IMMP2L: variants seen among roughly 807,000 people sequenced by gnomAD.
The protein encoded by IMMP2L is inner mitochondrial membrane peptidase subunit 2, also known as mitochondrial inner membrane protease subunit 2.
IMMP2L carries 18 observed loss-of-function variants against 19.3 expected under a neutral mutation model. The observed-to-expected ratio is 0.93, with a 90% CI of 0.64 to 1.38. The LOEUF (loss-of-function observed/expected upper bound fraction) is 1.38, where lower values mean the gene tolerates loss of function less well. Among genes scored for constraint, IMMP2L ranks in the 40% most tolerant of loss-of-function variants. The probability of loss-of-function intolerance (pLI) is 0.00; values close to 1 mark genes in which losing one functional copy is unlikely to be tolerated. For missense variants in IMMP2L, 233 were observed against 218.2 expected (o/e 1.07, Z -0.43); for synonymous variants, 76 against 73.0 (o/e 1.04, Z -0.21).
intron 1 of IMMP2L, among the ~76,000 whole-genome samples, chr7:111,554,292 A>G (rs977445843): frequency 7.9e-5 from 12 of 152,194 alleles, no homozygotes; most frequent in Non-Finnish European, 2.9e-5. Flanking sequence ...TGATACGTCT[A>G]TATGTAAACT....
intron 3 of IMMP2L, among the ~76,000 whole-genome samples, chr7:111,022,777 G>A (rs1489539361): frequency 1.3e-5 from 2 of 152,128 alleles, no homozygotes; most frequent in African/African-American, 4.8e-5. Context: ...CCAATCTGCT[G>A]ATCCTTTCAC....
At chr7:111,461,904 C>T (rs1340787713) in intron 3 of IMMP2L, among the ~76,000 whole-genome samples, 1 of 151,734 alleles carries the variant, frequency 6.6e-6, no homozygotes, top group African/African-American at 2.4e-5. Flanking sequence ...AAATAATTTG[C>T]CACTATAATG....
At chr7:111,492,373 T>A in intron 2 of IMMP2L, 1 of 983,406 alleles carries the variant, frequency 1.0e-6, no homozygotes, top group Non-Finnish European at 1.2e-6. Flanking sequence ...ACTAGAAGAC[T>A]CATAAGTCAG....
Position 111,501,640 on chromosome 7 carries a change from C to T in IMMP2L, c.136-14299G>A, listed in dbSNP as rs992352025. The stretch of plus-strand genomic sequence containing the variant: ...AGCGGATCTCTCAGCAGAAACTCTA[C>T]AAGCCAGAAGAGAGTGGGGGCCAAT... On this transcript the variant is annotated intron_variant, in intron 2 of 5. Coordinates refer to ENST00000405709, the MANE Select transcript of IMMP2L (RefSeq NM_032549.4). 2.0e-3 allele frequency among the ~76,000 whole-genome samples: 302 copies of T among 152,294 alleles called. 1 individual carries two copies. Among genetic ancestry groups the T allele is most frequent in the Non-Finnish European group, 3.1e-3 (209 of 68,024 alleles).
chr7:111,476,787 T>C (rs1295516294), intron 3 of IMMP2L, among the ~76,000 whole-genome samples: 1 of 152,176 alleles, frequency 6.6e-6, no homozygotes, highest in East Asian at 1.9e-4. Context: ...TAACAATGTG[T>C]TGCATCCTTC....
At chr7:111,240,430 T>G (rs1814869428) in intron 3 of IMMP2L, among the ~76,000 whole-genome samples, 3 of 151,988 alleles carry the variant, frequency 2.0e-5, no homozygotes, top group Admixed American at 1.3e-4. Flanking sequence ...ACAGTCAATT[T>G]TTAAAGGAAG....
At chr7:111,520,463 A>G (rs11975383) in intron 2 of IMMP2L, among the ~76,000 whole-genome samples, 3,030 of 152,196 alleles carry the variant, frequency 0.02, 101 homozygotes, top group African/African-American at 0.069. Context: ...AATAAAGCAA[A>G]CTAATTCTAA....
intron 5 of IMMP2L, among the ~76,000 whole-genome samples, chr7:110,790,643 G>A (rs972391797): frequency 1.3e-5 from 2 of 151,622 alleles, no homozygotes; most frequent in East Asian, 1.9e-4. Context: ...TTTTTGGCCT[G>A]AGCAAATGGT....
At chr7:111,445,204 C>A (rs1585127069) in intron 3 of IMMP2L, among the ~76,000 whole-genome samples, 1 of 152,104 alleles carries the variant, frequency 6.6e-6, no homozygotes, top group East Asian at 1.9e-4. Context: ...TGCTCTTACA[C>A]ATCCCCAAGA....
intron 3 of IMMP2L, among the ~76,000 whole-genome samples, chr7:111,024,120 G>A (rs943053640): frequency 6.6e-6 from 1 of 152,176 alleles, no homozygotes; most frequent in East Asian, 1.9e-4. Flanking sequence ...AATAGAGAAT[G>A]CAGGTTGAAG....
intron 3 of IMMP2L, among the ~76,000 whole-genome samples, chr7:111,343,980 T>A (rs1415259399): frequency 1.3e-5 from 2 of 152,128 alleles, no homozygotes; most frequent in Non-Finnish European, 2.9e-5. Context: ...AAAGTCTCGG[T>A]ATGAACCTGC....
chr7:110,693,363 T>C (rs758629817), intron 5 of IMMP2L, among the ~76,000 whole-genome samples: 2 of 152,226 alleles, frequency 1.3e-5, no homozygotes, highest in African/African-American at 4.8e-5. Flanking sequence ...TGGTTTCAAA[T>C]GTCACAATGG....
intron 3 of IMMP2L, among the ~76,000 whole-genome samples, chr7:111,206,839 T>C (rs572600053): frequency 5.6e-4 from 85 of 152,078 alleles, no homozygotes; most frequent in Non-Finnish European, 1.1e-3. Flanking sequence ...AGAACAAAAC[T>C]AATAACAAAC....
intron 3 of IMMP2L, among the ~76,000 whole-genome samples, chr7:111,150,494 T>C (rs1803953224): frequency 6.6e-6 from 1 of 152,044 alleles, no homozygotes; most frequent in South Asian, 2.1e-4. Context: ...TCCAACTGAG[T>C]CCCTGGGACA....
chr7:111,416,451 G>A (rs752364048), intron 3 of IMMP2L, among the ~76,000 whole-genome samples: 1 of 151,806 alleles, frequency 6.6e-6, no homozygotes, highest in Non-Finnish European at 1.5e-5. Context: ...AATCTGGTTT[G>A]AACCACTAGA....
chr7:110,663,270 A>G lies in IMMP2L; in HGVS notation c.*332T>C, dbSNP rs1326248372. ...CAGCAAGCACCAAAATCAAAACCCAACAATCAATATAATAAGTATATGTAA... is the reference window on the plus strand; with the variant it reads ...CAGCAAGCACCAAAATCAAAACCCAGCAATCAATATAATAAGTATATGTAA... On this transcript the variant is annotated 3_prime_UTR_variant, in exon 6 of 6. Coordinates refer to ENST00000405709, the MANE Select transcript of IMMP2L (RefSeq NM_032549.4). 4.2e-5 allele frequency: 8 copies of G among 190,172 alleles called. No individual in the cohort carries two copies. The South Asian group carries it at 4.9e-4, about 12-fold the overall frequency. 11.8% of individuals were successfully genotyped at this position (190,172 alleles called of 1,614,324 possible).
chr7:111,441,377 C>T (rs776630799), intron 3 of IMMP2L, among the ~76,000 whole-genome samples: 4 of 151,500 alleles, frequency 2.6e-5, no homozygotes, highest in African/African-American at 4.9e-5. Flanking sequence ...ATTAATTGGC[C>T]GAATTTCAAT....
intron 5 of IMMP2L, among the ~76,000 whole-genome samples, chr7:110,873,293 C>T (rs1321886230): frequency 6.6e-6 from 1 of 151,462 alleles, no homozygotes; most frequent in Non-Finnish European, 1.5e-5. Flanking sequence ...CATGGTGGCG[C>T]ATGCCTGTAG....
At chr7:111,382,751 G>C (rs1283590565) in intron 3 of IMMP2L, among the ~76,000 whole-genome samples, 1 of 152,034 alleles carries the variant, frequency 6.6e-6, no homozygotes, top group Non-Finnish European at 1.5e-5. Context: ...CTGAACAGAA[G>C]AAAGAACACC....
Sources: gnomAD v4.1 joint callset for allele counts (sites outside exome capture counted in the v4.1 genomes callset) on GRCh38, gnomAD v4.1.1 for gene constraint, MANE v1.5 for transcripts, NCBI Gene and HGNC (gene_info 2026-07-23, HGNC 2026-07-21) for gene names.